The following CLSTN2 variants were observed in gnomAD, a reference collection of about 807,000 sequenced individuals.
The protein encoded by CLSTN2 is calsyntenin-2.
CLSTN2 carries 48 observed loss-of-function variants against 101.2 expected under a neutral mutation model. The observed-to-expected ratio is 0.47, with a 90% confidence interval of 0.38 to 0.60. The LOEUF is 0.60. CLSTN2 is among the 20% of genes least tolerant of loss of function. The probability of loss-of-function intolerance (pLI) is 0.00; values close to 1 mark genes in which losing one functional copy is unlikely to be tolerated. For missense variants in CLSTN2, 1,160 were observed against 1,238.2 expected, an observed-to-expected ratio of 0.94 and a Z score of 0.95; for synonymous variants, 481 against 463.6, an observed-to-expected ratio of 1.04 and a Z score of -0.48.
intron 2 of CLSTN2, among the ~76,000 whole-genome samples, chr3:140,312,167 C>T (rs1348832399): frequency 6.6e-6 from 1 of 152,222 alleles, no homozygotes; most frequent in Non-Finnish European, 1.5e-5. Context: ...CTCCCAGTAG[C>T]TGTTTCCTCT....
At chr3:140,218,511 G>C (rs747170132) in intron 2 of CLSTN2, among the ~76,000 whole-genome samples, 10 of 152,080 alleles carry the variant, frequency 6.6e-5, no homozygotes, top group Non-Finnish European at 1.2e-4. Flanking sequence ...GTCAATCATG[G>C]CTTTATTGGA....
intron 1 of CLSTN2, among the ~76,000 whole-genome samples, chr3:140,031,775 G>T (rs910877210): frequency 2.6e-5 from 4 of 152,224 alleles, no homozygotes; most frequent in African/African-American, 9.7e-5. Context: ...AATAGATGGG[G>T]TGATGCTATC....
At chr3:140,432,267 G>A (rs347336) in intron 5 of CLSTN2, among the ~76,000 whole-genome samples, 47,022 of 151,996 alleles carry the variant, frequency 0.31, 7,789 homozygotes, top group East Asian at 0.66. Context: ...AAATGTAAAT[G>A]CCTTGTTATG....
chr3:140,015,908 A>G (rs1477871222), intron 1 of CLSTN2, among the ~76,000 whole-genome samples: 1 of 152,208 alleles, frequency 6.6e-6, no homozygotes, highest in Non-Finnish European at 1.5e-5. Context: ...TAAGTTTCCC[A>G]GTTGGTACCT....
intron 1 of CLSTN2, among the ~76,000 whole-genome samples, chr3:139,943,597 C>T (rs1320823886): frequency 6.6e-6 from 1 of 152,196 alleles, no homozygotes; most frequent in Non-Finnish European, 1.5e-5. Context: ...CTTCCACAGG[C>T]AACAGACGAT....
At chr3:140,507,814 A>G (rs1391144873) in intron 8 of CLSTN2, 1 of 152,184 alleles carries the variant, frequency 6.6e-6, no homozygotes, top group East Asian at 1.9e-4. Context: ...AGCACCTAAC[A>G]TAATGTGTGA....
chr3:140,375,540 G>A (rs1021225666), intron 2 of CLSTN2, among the ~76,000 whole-genome samples: 5 of 152,124 alleles, frequency 3.3e-5, no homozygotes, highest in African/African-American at 1.2e-4. Context: ...TTTATACTTT[G>A]TAGATTATAT....
chr3:140,547,609 T>C (rs1935621250), intron 10 of CLSTN2, among the ~76,000 whole-genome samples: 1 of 152,192 alleles, frequency 6.6e-6, no homozygotes, highest in Non-Finnish European at 1.5e-5. Context: ...GCTTCTCTCG[T>C]TCTCTCATTT....
intron 1 of CLSTN2, among the ~76,000 whole-genome samples, chr3:139,995,259 A>G (rs939525839): frequency 9.2e-5 from 14 of 152,160 alleles, no homozygotes; most frequent in Admixed American, 7.9e-4. Flanking sequence ...CCCATCACCC[A>G]TGAACAGAGA....
rs1044338114 is a variant in CLSTN2, at chr3:140,076,632, T to G, written c.110-99319T>G. Among the ~76,000 whole-genome samples, 9 of 138,662 alleles carry G rather than the reference T, an allele frequency of 6.5e-5. No homozygotes were observed. The South Asian group carries it at 1.4e-3, about 22-fold the overall frequency. The allele number at this position is 138,662 out of a possible 152,430, so 91.0% of individuals were successfully genotyped here. A position where few individuals can be genotyped will look rare whatever the true frequency, so the allele number is the denominator to read the frequency against. On this transcript the variant is annotated intron_variant, in intron 1 of 16. Transcript: ENST00000458420. ...TCCCCTCTCACCAGCAGTGTTTTTT[T>G]TTTTTTTTTTTTTTTTTTTTTCCTA... is the stretch of plus-strand genomic sequence containing the variant.
intron 2 of CLSTN2, among the ~76,000 whole-genome samples, chr3:140,240,174 C>CTCTCTCTATATATATATA (rs1311225528): frequency 7.5e-5 from 1 of 13,356 alleles, no homozygotes; most frequent in African/African-American, 1.1e-4. Context: ...CTCTCTCTCT[C>CTCTCTCTATATATATATA]TATATATATA....
chr3:140,083,082 C>G (rs1220452801), intron 1 of CLSTN2, among the ~76,000 whole-genome samples: 1 of 152,170 alleles, frequency 6.6e-6, no homozygotes, highest in Non-Finnish European at 1.5e-5. Context: ...CTTGTGGAAG[C>G]CTTTTGCTGG....
intron 2 of CLSTN2, among the ~76,000 whole-genome samples, chr3:140,337,060 G>C (rs1009491987): frequency 2.0e-5 from 3 of 152,180 alleles, no homozygotes; most frequent in Admixed American, 2.0e-4. Context: ...CAGCAGGCTG[G>C]ATTACAGGAT....
chr3:140,327,844 A>G (rs891070416), intron 2 of CLSTN2, among the ~76,000 whole-genome samples: 1 of 152,220 alleles, frequency 6.6e-6, no homozygotes, highest in Admixed American at 6.5e-5. Context: ...CATAATTTCT[A>G]ACTAGTTGTC....
chr3:140,297,692 G>A (rs2087017334), intron 2 of CLSTN2, among the ~76,000 whole-genome samples: 1 of 152,164 alleles, frequency 6.6e-6, no homozygotes, highest in Non-Finnish European at 1.5e-5. Context: ...GCTGCATGTG[G>A]TCTGCTGACC....
At chr3:139,992,472 C>T (rs1330387094) in intron 1 of CLSTN2, among the ~76,000 whole-genome samples, 2 of 152,126 alleles carry the variant, frequency 1.3e-5, no homozygotes, top group Admixed American at 6.5e-5. Flanking sequence ...GAAGAGAGGG[C>T]TCACCAGAGT....
intron 2 of CLSTN2, among the ~76,000 whole-genome samples, chr3:140,338,570 C>G (rs561120883): frequency 3.3e-5 from 5 of 152,266 alleles, no homozygotes; most frequent in East Asian, 1.9e-4. Context: ...CCAGTCCCCC[C>G]CCGGCCTCAG....
intron 8 of CLSTN2, among the ~76,000 whole-genome samples, chr3:140,513,201 T>C (rs1011647098): frequency 1.3e-5 from 2 of 152,174 alleles, no homozygotes; most frequent in Non-Finnish European, 1.5e-5. Flanking sequence ...TCAAGGGGAA[T>C]GCGTCCAGCT....
intron 1 of CLSTN2, among the ~76,000 whole-genome samples, chr3:139,946,866 A>G (rs1217925613): frequency 6.6e-6 from 1 of 152,222 alleles, no homozygotes; most frequent in Non-Finnish European, 1.5e-5. Flanking sequence ...ATAACTATGC[A>G]CCCAGAGAGA....
Sources: allele counts gnomAD v4.1 joint callset (sites outside exome capture counted in the v4.1 genomes callset), GRCh38; gene constraint gnomAD v4.1.1; transcripts MANE v1.5; gene names NCBI Gene and HGNC (gene_info 2026-07-23, HGNC 2026-07-21).